Variants in RHOU observed in about 807,000 individuals in gnomAD.
The protein encoded by RHOU is ras homolog family member U.
RHOU carries 8 observed loss-of-function variants against 12.6 expected under a neutral mutation model. That is an observed-to-expected ratio of 0.64 (90% CI 0.37 to 1.15). RHOU has a LOEUF of 1.15. RHOU is among the 50% of genes most tolerant of loss of function. RHOU has a pLI of 0.01. For missense variants in RHOU, 258 were observed against 347.0 expected, an observed-to-expected ratio of 0.74 and a Z score of 2.04; for synonymous variants, 161 against 147.4, an observed-to-expected ratio of 1.09 and a Z score of -0.67.
chr1:228,709,032 T>G, the RHOU span, among the ~76,000 whole-genome samples: 1 of 151,938 alleles, frequency 6.6e-6, no homozygotes, highest in Non-Finnish European at 1.5e-5. Context: ...AAACAGACTT[T>G]AAACCAACAA....
At chr1:228,676,039 C>T in the RHOU span, among the ~76,000 whole-genome samples, 1 of 151,984 alleles carries the variant, frequency 6.6e-6, no homozygotes, top group Non-Finnish European at 1.5e-5. Flanking sequence ...GTTATGGCTA[C>T]TTGGTTTCAG....
the RHOU span, among the ~76,000 whole-genome samples, chr1:228,671,057 T>C: frequency 6.6e-5 from 10 of 152,236 alleles, 1 homozygote; most frequent in Admixed American, 6.5e-4. Flanking sequence ...CAGGCTGGAG[T>C]GCAGTGGCGT....
In RHOU at chr1:228,737,548, A is replaced by G; in HGVS notation, c.263-125A>G. On this transcript the variant is annotated intron_variant, in intron 1 of 2. Coordinates refer to ENST00000366691, the MANE Select transcript of RHOU (RefSeq NM_021205.6). The surrounding 1 kb of genome is among the most constrained non-coding windows in gnomAD (Gnocchi z 4.1). Reference sequence around the variant, plus strand: ...CTTGTTTTTGGCTAGTCTTTAATTCATTAGAGGACCTAAAATAGGAGCAAA... The same window carrying G: ...CTTGTTTTTGGCTAGTCTTTAATTCGTTAGAGGACCTAAAATAGGAGCAAA... 2 of 937,708 alleles carry G rather than the reference A, an allele frequency of 2.1e-6. No individual in the cohort carries two copies. Among genetic ancestry groups the G allele is most frequent in the Non-Finnish European group, 3.4e-6 (2 of 589,764 alleles). 58.1% of individuals were successfully genotyped at this position (937,708 alleles called of 1,614,324 possible).
the RHOU span, among the ~76,000 whole-genome samples, chr1:228,675,901 G>A: frequency 1.3e-5 from 2 of 151,930 alleles, no homozygotes; most frequent in African/African-American, 4.8e-5. Flanking sequence ...TCTTTGGAGA[G>A]TGATCCAGAG....
rs1387597987 is a variant in RHOU, at chr1:228,743,254, C to T, written c.322-31C>T. ...TTTTACTGATGAGAATTCATGAAAA[C>T]ATAACTTTTGGGTACTTTGCTTGGT... is the stretch of plus-strand genomic sequence containing the variant. On this transcript the variant is annotated intron_variant, in intron 2 of 2. Transcript: ENST00000366691. This position sits in a 1 kb window ranked among gnomAD's most constrained non-coding sequence, Gnocchi z 5.1. 17 of 1,585,292 alleles carry T rather than the reference C, an allele frequency of 1.1e-5. No individual in the cohort carries two copies. The highest frequency in any genetic ancestry group is 1.5e-5 in the Non-Finnish European group (17 of 1,155,350).
the RHOU span, among the ~76,000 whole-genome samples, chr1:228,663,658 A>C: frequency 1.5e-5 from 1 of 68,308 alleles, no homozygotes; most frequent in African/African-American, 6.6e-5. Context: ...TTTGAGACGG[A>C]ATTTCACTCT....
rs777260720 is a variant in RHOU at position 228,738,309 on chromosome 1, C to T, written c.321+578C>T. 5.3e-5 allele frequency among the ~76,000 whole-genome samples: 8 copies of T among 152,150 alleles called. No homozygotes were observed. Among genetic ancestry groups the T allele is most frequent in the African/African-American group, 1.2e-4 (5 of 41,426 alleles). The stretch of plus-strand genomic sequence containing the variant: ...GGGCTTATTCTATCCAAACTGTGAA[C>T]GCTGGTTCTTGTCTCGAGGGCTGGG... On this transcript the variant is annotated intron_variant, in intron 2 of 2. Coordinates refer to ENST00000366691, the MANE Select transcript of RHOU (RefSeq NM_021205.6). This position sits in a 1 kb window ranked among gnomAD's most constrained non-coding sequence, Gnocchi z 4.2.
chr1:228,691,082 A>G, the RHOU span, among the ~76,000 whole-genome samples: 1 of 125,838 alleles, frequency 7.9e-6, no homozygotes, highest in Non-Finnish European at 1.6e-5. Flanking sequence ...GATTCAGCTT[A>G]TAATTTTTTT....
At chr1:228,662,322 A>G in the RHOU span, among the ~76,000 whole-genome samples, 1 of 152,226 alleles carries the variant, frequency 6.6e-6, no homozygotes, top group Admixed American at 6.5e-5. Context: ...CAGCGATCCC[A>G]TTACTGGGTA....
In RHOU at chr1:228,743,513, C is replaced by A. The variant is rs151095193; in HGVS notation, c.550C>A (p.Pro184Thr). Reference sequence around the variant, plus strand: ...GGACAAATGCAAAGAAAAGCCAGTGCCTGAAGAGGCGGCTAAGCTGTGCGC... The same window carrying A: ...GGACAAATGCAAAGAAAAGCCAGTGACTGAAGAGGCGGCTAAGCTGTGCGC... ...ELDKCKEKPV[P>T]EEAAKLCAEE... The change falls in exon 3 of 3, where the codon CCT becomes ACT. Residue 184 changes from proline (P) to threonine (T), a missense_variant. Physicochemically the swap from Pro to Thr is conservative, Grantham distance 38 (BLOSUM62 -1). Transcript: ENST00000366691. The surrounding 1 kb of genome is among the most constrained non-coding windows in gnomAD (Gnocchi z 5.1). The A allele has an allele frequency of 1.8e-5, 29 of 1,614,182 alleles. No individual in the cohort carries two copies. The African/African-American group carries it at 3.9e-4, about 22-fold the overall frequency.
the RHOU span, among the ~76,000 whole-genome samples, chr1:228,688,844 G>T: frequency 2.5e-4 from 38 of 152,278 alleles, no homozygotes; most frequent in African/African-American, 9.1e-4. Flanking sequence ...GTCCTTGCAG[G>T]TCAGCTGGAT....
At chr1:228,706,539 C>T in the RHOU span, among the ~76,000 whole-genome samples, 8 of 152,188 alleles carry the variant, frequency 5.3e-5, no homozygotes, top group Admixed American at 2.6e-4. Flanking sequence ...GGGTAGGTTA[C>T]GGTCTGTTTA....
chr1:228,694,131 A>C, the RHOU span, among the ~76,000 whole-genome samples: 10 of 152,214 alleles, frequency 6.6e-5, no homozygotes, highest in African/African-American at 1.9e-4. Flanking sequence ...CTATTGTTAC[A>C]GCTCAGAGCA....
In RHOU at chr1:228,743,814, CT is replaced by C; in HGVS notation, c.*78del. 7.8e-7 allele frequency: 1 copy of C among 1,281,768 alleles called. No homozygotes were observed. Among genetic ancestry groups the C allele is most frequent in the Non-Finnish European group, 1.1e-6 (1 of 915,252 alleles). 79.4% of individuals were successfully genotyped at this position (1,281,768 alleles called of 1,614,324 possible). On this transcript the variant is annotated 3_prime_UTR_variant, in exon 3 of 3. Coordinates refer to ENST00000366691, the MANE Select transcript of RHOU (RefSeq NM_021205.6). This position sits in a 1 kb window ranked among gnomAD's most constrained non-coding sequence, Gnocchi z 5.1. ...GAAGCTATATTAGCTGAAACAACTCCTTTTACTGCGTAGAACCTATATCGAG... is the reference window on the plus strand; with the variant it reads ...GAAGCTATATTAGCTGAAACAACTCCTTTACTGCGTAGAACCTATATCGAG...
chr1:228,726,660 A>C, the RHOU span, among the ~76,000 whole-genome samples: 1 of 146,784 alleles, frequency 6.8e-6, no homozygotes, highest in Non-Finnish European at 1.5e-5. Context: ...GTGAGACTCC[A>C]TCTCAAAAAA....
the RHOU span, among the ~76,000 whole-genome samples, chr1:228,695,454 A>G: frequency 6.6e-6 from 1 of 152,042 alleles, no homozygotes; most frequent in African/African-American, 2.4e-5. Flanking sequence ...ATAGCATCAA[A>G]TCCCTCAACC....
chr1:228,650,994 G>T, the RHOU span: 1 of 327,404 alleles, frequency 3.1e-6, no homozygotes. Context: ...GAAAAGAAAG[G>T]CAAGGTCCTG....
the RHOU span, among the ~76,000 whole-genome samples, chr1:228,652,776 T>A: frequency 2.6e-5 from 4 of 152,242 alleles, no homozygotes; most frequent in African/African-American, 9.6e-5. Context: ...AATGTTTTCA[T>A]GACTTTTATT....
chr1:228,724,494 T>G, the RHOU span, among the ~76,000 whole-genome samples: 1 of 152,212 alleles, frequency 6.6e-6, no homozygotes, highest in African/African-American at 2.4e-5. Flanking sequence ...TAAGAATTTT[T>G]TTTGTAGAGA....
Sources: gnomAD v4.1 joint callset for allele counts (sites outside exome capture counted in the v4.1 genomes callset) on GRCh38, gnomAD v4.1.1 for gene constraint, Gnocchi (gnomAD v3.1) non-coding constraint, MANE v1.5 for transcripts, NCBI Gene and HGNC (gene_info 2026-07-23, HGNC 2026-07-21) for gene names.